Variants in CUX2 observed in about 807,000 individuals in gnomAD.
The protein encoded by CUX2 is cut like homeobox 2.
CUX2 carries 40 observed loss-of-function variants against 144.8 expected under a neutral mutation model. That is an observed-to-expected ratio of 0.28 (90% CI 0.21 to 0.36). CUX2 has a LOEUF of 0.36. Ranked by LOEUF, CUX2 falls within the 10% of genes least tolerant of loss-of-function variation. CUX2 has a pLI of 1.00. For synonymous variants in CUX2, 827 were observed against 875.6 expected (o/e 0.94, Z 0.98); for missense variants, 1,615 against 1,994.0 (o/e 0.81, Z 3.62).
chr12:111,240,031 G>T (rs757799260), intron 3 of CUX2, among the ~76,000 whole-genome samples: 2 of 152,238 alleles, frequency 1.3e-5, no homozygotes, highest in Admixed American at 1.3e-4. Flanking sequence ...TTAGCTGTGC[G>T]CCAGCTATGC....
At chr12:111,131,334 T>TC (rs1208951508) in intron 1 of CUX2, among the ~76,000 whole-genome samples, 1 of 152,082 alleles carries the variant, frequency 6.6e-6, no homozygotes, top group Admixed American at 6.6e-5. Flanking sequence ...TCCCCCTGGG[T>TC]CCCTCCCACA....
chr12:111,212,080 C>T (rs1268810161), intron 1 of CUX2, among the ~76,000 whole-genome samples: 9 of 152,116 alleles, frequency 5.9e-5, no homozygotes, highest in Admixed American at 5.9e-4. Flanking sequence ...TTTTTTCTCT[C>T]CTGCCAAGTG....
At position 111,255,211 on chromosome 12, in the gene CUX2, T is replaced by A. The variant is rs1014758433; in HGVS notation, c.223-8550T>A. ...ATGGGGCCTCTCTGGGACCCCTGGG[T>A]GACCCTCCAGAGGGCCAGAGAGGGT... On this transcript the variant is annotated intron_variant, in intron 3 of 21. Transcript: ENST00000261726. This position sits in a 1 kb window ranked among gnomAD's most constrained non-coding sequence, Gnocchi z 4.1. Among the ~76,000 whole-genome samples the A allele has an allele frequency of 1.3e-5, 2 of 152,210 alleles. No homozygotes were observed. Among genetic ancestry groups the A allele is most frequent in the African/African-American group, 4.8e-5 (2 of 41,460 alleles).
At chr12:111,069,024 T>C (rs1200388897) in intron 1 of CUX2, among the ~76,000 whole-genome samples, 1 of 152,114 alleles carries the variant, frequency 6.6e-6, no homozygotes, top group Admixed American at 6.5e-5. Flanking sequence ...GAGAATTGCT[T>C]GAACCCAGGA....
chr12:111,255,235 G>T lies in CUX2; in HGVS notation c.223-8526G>T, dbSNP rs999344797. ...GTGACCCTCCAGAGGGCCAGAGAGGGTCTCCAATTTCTGCCCCATTTTAGC... is the reference window on the plus strand; with the variant it reads ...GTGACCCTCCAGAGGGCCAGAGAGGTTCTCCAATTTCTGCCCCATTTTAGC... On this transcript the variant is annotated intron_variant, in intron 3 of 21. Coordinates refer to ENST00000261726, the MANE Select transcript of CUX2 (RefSeq NM_015267.4). The surrounding 1 kb of genome is among the most constrained non-coding windows in gnomAD (Gnocchi z 4.1). Among the ~76,000 whole-genome samples, 8 of 152,220 alleles carry T rather than the reference G, an allele frequency of 5.3e-5. No homozygotes were observed. Among genetic ancestry groups the T allele is most frequent in the Non-Finnish European group, 1.2e-4 (8 of 68,044 alleles).
chr12:111,322,328 A>G lies in CUX2; in HGVS notation c.2767-93A>G. On this transcript the variant is annotated intron_variant, in intron 17 of 21. Coordinates refer to ENST00000261726, the MANE Select transcript of CUX2 (RefSeq NM_015267.4). This position sits in a 1 kb window ranked among gnomAD's most constrained non-coding sequence, Gnocchi z 4.2. ...CAAAGCGAGACTCTGCCTCAAAAAA[A>G]AAAAAAAAAAAAAAAAGGTTGGGGA... The G allele has an allele frequency of 8.5e-7, 1 of 1,183,210 alleles. No individual in the cohort carries two copies. 73.3% of individuals were successfully genotyped at this position (1,183,210 alleles called of 1,614,324 possible).
At chr12:111,137,431 T>C (rs1344922379) in intron 1 of CUX2, among the ~76,000 whole-genome samples, 1 of 152,184 alleles carries the variant, frequency 6.6e-6, no homozygotes, top group Non-Finnish European at 1.5e-5. Context: ...TGGGGAAAGG[T>C]AAATTCTGAA....
intron 3 of CUX2, among the ~76,000 whole-genome samples, chr12:111,228,571 G>A (rs867432371): frequency 2.0e-5 from 3 of 152,124 alleles, no homozygotes; most frequent in African/African-American, 7.2e-5. Context: ...TTACAGGCCC[G>A]TGCCACCATG....
At chr12:111,082,809 G>A (rs1871975325) in intron 1 of CUX2, among the ~76,000 whole-genome samples, 1 of 152,166 alleles carries the variant, frequency 6.6e-6, no homozygotes, top group South Asian at 2.1e-4. Flanking sequence ...AGACTGGTTT[G>A]GCTTGTCTGG....
intron 10 of CUX2, among the ~76,000 whole-genome samples, chr12:111,305,132 C>G (rs1218549792): frequency 6.6e-6 from 1 of 152,168 alleles, no homozygotes; most frequent in Non-Finnish European, 1.5e-5. Flanking sequence ...CAAGGCCACC[C>G]CAACCTACCC....
At chr12:111,333,317 G>A (rs974081916) in intron 18 of CUX2, among the ~76,000 whole-genome samples, 5 of 152,146 alleles carry the variant, frequency 3.3e-5, no homozygotes, top group South Asian at 2.1e-4. Flanking sequence ...CCAGGAGGTC[G>A]AGGTTGCAGT....
At chr12:111,278,523 A>G (rs1381232754) in intron 4 of CUX2, among the ~76,000 whole-genome samples, 1 of 152,194 alleles carries the variant, frequency 6.6e-6, no homozygotes, top group Non-Finnish European at 1.5e-5. Context: ...AAAACTCTCA[A>G]ACTCTGTGGC....
At chr12:111,144,183 T>A (rs958062743) in intron 1 of CUX2, among the ~76,000 whole-genome samples, 2 of 152,220 alleles carry the variant, frequency 1.3e-5, no homozygotes, top group Non-Finnish European at 2.9e-5. Context: ...GTCTCACTAA[T>A]GATGCCCAGA....
At chr12:111,108,543 A>G (rs890780192) in intron 1 of CUX2, among the ~76,000 whole-genome samples, 5 of 151,828 alleles carry the variant, frequency 3.3e-5, no homozygotes, top group Non-Finnish European at 4.4e-5. Flanking sequence ...TTATTTATCT[A>G]TTCAGTTTTT....
At chr12:111,205,877 TC>T (rs1449410861) in intron 1 of CUX2, among the ~76,000 whole-genome samples, 2 of 152,188 alleles carry the variant, frequency 1.3e-5, no homozygotes, top group Non-Finnish European at 2.9e-5. Context: ...ATTCACTCAT[TC>T]ATTCGACCAA....
At chr12:111,185,212 G>C (rs1166985367) in intron 1 of CUX2, among the ~76,000 whole-genome samples, 1 of 152,246 alleles carries the variant, frequency 6.6e-6, no homozygotes, top group Non-Finnish European at 1.5e-5. Context: ...GGAGGAAGAA[G>C]ACTTTGATGT....
intron 1 of CUX2, among the ~76,000 whole-genome samples, chr12:111,080,234 A>G (rs1326237655): frequency 6.6e-6 from 1 of 152,026 alleles, no homozygotes; most frequent in Non-Finnish European, 1.5e-5. Flanking sequence ...CACCCTGACT[A>G]AAATCCCGTA....
At chr12:111,234,531 T>G (rs1278795901) in intron 3 of CUX2, among the ~76,000 whole-genome samples, 4 of 152,048 alleles carry the variant, frequency 2.6e-5, no homozygotes, top group African/African-American at 7.2e-5. Context: ...GGTTATTTTT[T>G]GGGCAGGCAA....
intron 1 of CUX2, among the ~76,000 whole-genome samples, chr12:111,123,293 G>A (rs567232423): frequency 1.3e-5 from 2 of 151,976 alleles, no homozygotes; most frequent in South Asian, 2.1e-4. Context: ...AGTGATTTTC[G>A]TGCCTCAGCC....
Sources: gnomAD v4.1 joint callset for allele counts (sites outside exome capture counted in the v4.1 genomes callset) on GRCh38, gnomAD v4.1.1 for gene constraint, Gnocchi (gnomAD v3.1) non-coding constraint, MANE v1.5 for transcripts, NCBI Gene and HGNC (gene_info 2026-07-23, HGNC 2026-07-21) for gene names.